Variants in ACTR3B observed in about 807,000 individuals in gnomAD.
ACTR3B encodes the protein actin-related protein 3B.
ACTR3B carries 8 observed loss-of-function variants against 59.0 expected under a neutral mutation model. The ratio of observed to expected loss-of-function variants is 0.14; its 90% CI spans 0.08 to 0.24. The LOEUF (loss-of-function observed/expected upper bound fraction) is 0.24. ACTR3B is among the 10% of genes least tolerant of loss of function. ACTR3B has a pLI of 1.00. For synonymous variants in ACTR3B, 148 were observed against 197.9 expected (o/e 0.75, Z 2.12); for missense variants, 245 against 552.3 (o/e 0.44, Z 5.58).
Position 152,820,520 on chromosome 7 carries a change from C to T in ACTR3B, c.684+78C>T, listed in dbSNP as rs1382790663. The T allele has an allele frequency of 4.6e-6, 7 of 1,510,536 alleles. No homozygotes were observed. The African/African-American group carries it at 9.7e-5, about 21-fold the overall frequency. The allele number at this position is 1,510,536 out of a possible 1,614,324, so 93.6% of individuals were successfully genotyped here. A position where few individuals can be genotyped will look rare whatever the true frequency, so the allele number is the denominator to read the frequency against. ...GGACACTTCCCCTTGGTGCCATCATCCCTGCTCCTCCTTTCCTTCCTCTCC... is the reference window on the plus strand; with the variant it reads ...GGACACTTCCCCTTGGTGCCATCATTCCTGCTCCTCCTTTCCTTCCTCTCC... On this transcript the variant is annotated intron_variant, in intron 7 of 11. Transcript: ENST00000256001.
At chr7:152,768,751 C>T (rs952235839) in intron 1 of ACTR3B, among the ~76,000 whole-genome samples, 3 of 151,972 alleles carry the variant, frequency 2.0e-5, no homozygotes, top group Non-Finnish European at 4.4e-5. Flanking sequence ...GCTGGGATTA[C>T]AGGCATGAGC....
At chr7:152,825,262 T>C in intron 9 of ACTR3B, 140 bp downstream of exon 9, 1 of 887,560 alleles carries the variant, frequency 1.1e-6, no homozygotes, top group Non-Finnish European at 1.6e-6. Flanking sequence ...AAAGACAATA[T>C]AATTGTAAGA....
intron 9 of ACTR3B, among the ~76,000 whole-genome samples, chr7:152,836,157 T>C (rs1253625219): frequency 2.6e-5 from 4 of 151,584 alleles, no homozygotes; most frequent in African/African-American, 9.7e-5. Context: ...CTGAGGGGCC[T>C]TTGTCTGCTG....
intron 2 of ACTR3B, among the ~76,000 whole-genome samples, chr7:152,797,763 T>C (rs541767533): frequency 6.6e-6 from 1 of 152,202 alleles, no homozygotes; most frequent in Non-Finnish European, 1.5e-5. Context: ...AGATCCTGCA[T>C]ATGAATGAGA....
chr7:152,842,374 A>C (rs967169276), intron 9 of ACTR3B, among the ~76,000 whole-genome samples: 7 of 152,254 alleles, frequency 4.6e-5, no homozygotes, highest in Non-Finnish European at 1.5e-5. Context: ...CTCGTGCCCT[A>C]AGCGGGACAG....
chr7:152,849,759 G>A (rs1455914326), intron 9 of ACTR3B, among the ~76,000 whole-genome samples: 1 of 152,254 alleles, frequency 6.6e-6, no homozygotes, highest in African/African-American at 2.4e-5. Flanking sequence ...AGCAGCTACA[G>A]CATGTTACAT....
rs2098203873 is a variant in ACTR3B at position 152,793,278 on chromosome 7, T to C, written c.101-7253T>C. Among the ~76,000 whole-genome samples, 2 of 87,620 alleles carry C rather than the reference T, an allele frequency of 2.3e-5. 1 individual carries two copies. The highest frequency in any genetic ancestry group is 8.1e-4 in the South Asian group (2 of 2,460). The allele number at this position is 87,620 out of a possible 152,430, so 57.5% of individuals were successfully genotyped here. A position where few individuals can be genotyped will look rare whatever the true frequency, so the allele number is the denominator to read the frequency against. On this transcript the variant is annotated intron_variant, in intron 2 of 11. Transcript: ENST00000256001. ...CCTTCTGGGAATTGTAATCCACAAA[T>C]GCTAAATCTTTTCTTATATATCCCA... is the stretch of plus-strand genomic sequence containing the variant.
intron 9 of ACTR3B, among the ~76,000 whole-genome samples, chr7:152,828,150 C>T (rs1349578928): frequency 1.3e-5 from 2 of 152,142 alleles, no homozygotes; most frequent in Non-Finnish European, 2.9e-5. Context: ...TAATACTGTC[C>T]GGGTTGGCCT....
intron 1 of ACTR3B, among the ~76,000 whole-genome samples, chr7:152,775,691 G>A (rs113446592): frequency 6.6e-5 from 10 of 151,602 alleles, no homozygotes; most frequent in African/African-American, 1.9e-4. Flanking sequence ...CCCAGGAGGC[G>A]GAGGTTGCAG....
intron 4 of ACTR3B, among the ~76,000 whole-genome samples, chr7:152,803,333 C>T (rs968062540): frequency 2.0e-5 from 3 of 152,230 alleles, no homozygotes; most frequent in Non-Finnish European, 4.4e-5. Flanking sequence ...TAGGCATGAG[C>T]CACCATACCC....
At chr7:152,853,464 G>C (rs76636878) in intron 10 of ACTR3B, 30 bp from the exon 11 acceptor site, 2 of 1,603,770 alleles carry the variant, frequency 1.2e-6, no homozygotes, top group African/African-American at 2.7e-5. Context: ...CTGTGGGTGT[G>C]GGGTAAGTGA....
intron 9 of ACTR3B, among the ~76,000 whole-genome samples, chr7:152,845,563 C>T (rs920669123): frequency 4.6e-5 from 7 of 152,212 alleles, no homozygotes; most frequent in East Asian, 1.9e-4. Context: ...GATTCTGAAT[C>T]GCAAAGGAGC....
chr7:152,835,529 G>A (rs1590412137), intron 9 of ACTR3B, among the ~76,000 whole-genome samples: 1 of 152,150 alleles, frequency 6.6e-6, no homozygotes, highest in Admixed American at 6.5e-5. Context: ...TTAAAAATAT[G>A]TTATTGCTAA....
intron 9 of ACTR3B, among the ~76,000 whole-genome samples, chr7:152,829,441 A>G (rs934235423): frequency 2.0e-5 from 3 of 152,200 alleles, no homozygotes; most frequent in Non-Finnish European, 2.9e-5. Context: ...CAAGCAAAAC[A>G]GTTTTTTTAG....
intron 9 of ACTR3B, among the ~76,000 whole-genome samples, chr7:152,844,705 A>C (rs1798132040): frequency 6.6e-6 from 1 of 150,402 alleles, no homozygotes; most frequent in South Asian, 2.1e-4. Context: ...TTTATCTCTC[A>C]CTATCTTTTT....
At chr7:152,839,948 A>C in intron 9 of ACTR3B, among the ~76,000 whole-genome samples, 3 of 4,060 alleles carry the variant, frequency 7.4e-4, no homozygotes, top group African/African-American at 1.8e-3. Flanking sequence ...GCACCTTCCC[A>C]CCCCCACCCA....
intron 2 of ACTR3B, among the ~76,000 whole-genome samples, chr7:152,785,017 C>T (rs145133769): frequency 0.021 from 3,179 of 152,158 alleles, 102 homozygotes; most frequent in African/African-American, 0.072. Context: ...GCCCCAGAAC[C>T]TGATCATTCC....
rs919541914 is a variant in ACTR3B, at chr7:152,762,842, C to A, written c.44+2916C>A. 4.5e-4 allele frequency among the ~76,000 whole-genome samples: 68 copies of A among 152,244 alleles called. 1 individual carries two copies. Among genetic ancestry groups the A allele is most frequent in the Admixed American group, 9.8e-4 (15 of 15,294 alleles). On this transcript the variant is annotated intron_variant, in intron 1 of 11. Transcript: ENST00000256001. ...ACCTAGTGTTTCTCTGTGATAGATA[C>A]AGGATATGCATATTTGTCAGGACTA...
intron 1 of ACTR3B, 125 bp from the exon 2 acceptor site, chr7:152,783,062 T>A (rs1198112159): frequency 1.6e-5 from 7 of 450,338 alleles, no homozygotes; most frequent in South Asian, 1.0e-4. Flanking sequence ...TTTTTTTTTT[T>A]AATTTCAAGG....
Sources: allele counts gnomAD v4.1 joint callset (sites outside exome capture counted in the v4.1 genomes callset), GRCh38; gene constraint gnomAD v4.1.1; transcripts MANE v1.5; gene names NCBI Gene and HGNC (gene_info 2026-07-23, HGNC 2026-07-21).